The following CEACAM16 variants were observed in gnomAD, a reference collection of about 807,000 sequenced individuals.
CEACAM16 encodes the protein cell adhesion molecule CEACAM16.
In CEACAM16, 30 loss-of-function variants were observed where a neutral mutation model predicts 39.4. The observed-to-expected ratio is 0.76, with a 90% CI of 0.57 to 1.03. CEACAM16 has a LOEUF of 1.03. Ranked by LOEUF, CEACAM16 falls within the 50% of genes least tolerant of loss-of-function variation. The pLI is 0.00. For synonymous variants in CEACAM16, 262 were observed against 264.9 expected (o/e 0.99, Z 0.11); for missense variants, 521 against 585.3 (o/e 0.89, Z 1.13).
chr19:44,701,216 C>T lies in CEACAM16; in HGVS notation c.-96-145C>T, dbSNP rs1599807197. On this transcript the variant is annotated intron_variant, in intron 1 of 6. Coordinates refer to ENST00000587331, the MANE Select transcript of CEACAM16 (RefSeq NM_001039213.4). This position sits in a 1 kb window ranked among gnomAD's most constrained non-coding sequence, Gnocchi z 4.0. The stretch of plus-strand genomic sequence containing the variant: ...GGCACAAAGAGGGTTAGGCGGCTGC[C>T]CCAGGAGGCCTGCCCAGGTCACGGC... 5 of 607,616 alleles carry T rather than the reference C, an allele frequency of 8.2e-6. No individual in the cohort carries two copies. The highest frequency in any genetic ancestry group is 1.5e-5 in the Non-Finnish European group (5 of 340,664). 37.6% of individuals were successfully genotyped at this position (607,616 alleles called of 1,614,324 possible).
intron 1 of CEACAM16, among the ~76,000 whole-genome samples, chr19:44,700,928 C>T (rs1001366175): frequency 6.6e-6 from 1 of 152,222 alleles, no homozygotes; most frequent in African/African-American, 2.4e-5. Context: ...TCATCTCCAT[C>T]TGCAAAGGGG....
Position 44,703,557 on chromosome 19 carries a change from G to T in CEACAM16, c.246G>T (p.Thr82=), listed in dbSNP as rs761814983. 1.9e-6 allele frequency: 3 copies of T among 1,612,292 alleles called. No individual in the cohort carries two copies. The highest frequency in any genetic ancestry group is 2.5e-6 in the Non-Finnish European group (3 of 1,179,554). The change falls in exon 3 of 7, where the codon ACG becomes ACT. Residue 82 remains threonine (T), a synonymous_variant. Coordinates refer to ENST00000587331, the MANE Select transcript of CEACAM16 (RefSeq NM_001039213.4). ...ATGAGACTCCTGGCCCGGCCCACAC[G>T]GGGCGGGAGGCTGTGCGCCCCGATG... The part of the protein sequence containing the change: ...TGDETPGPAH[T]GREAVRPDGS...
Position 44,707,883 on chromosome 19 carries a change from C to G in CEACAM16, c.963C>G (p.Ile321Met), listed in dbSNP as rs748040042. Residue 321 changes from isoleucine (I) to methionine (M), a missense_variant, in exon 6 of 7, where the codon ATC becomes ATG. By Grantham distance (10) the Ile-to-Met change is conservative. Transcript: ENST00000587331. ...CAGCTGCAGCAGTTGCCACGATGAT[C>G]GTGCCCGTGCCCACCAAGCCAACGG... ...KLSAAAVATM[I>M]VPVPTKPTEG... 8 of 1,552,588 alleles carry G rather than the reference C, an allele frequency of 5.2e-6. No homozygotes were observed. In the South Asian group the frequency reaches 9.5e-5, roughly 18 times the overall value.
chr19:44,703,479 G>T lies in CEACAM16; in HGVS notation c.168G>T (p.Gly56=). 1.2e-6 allele frequency: 2 copies of T among 1,613,818 alleles called. No individual in the cohort carries two copies. Among genetic ancestry groups the T allele is most frequent in the South Asian group, 2.2e-5 (2 of 91,072 alleles). The change falls in exon 3 of 7, where the codon GGG becomes GGT. Residue 56 remains glycine, a synonymous_variant. Transcript: ENST00000587331. ...TGCTCGCCTACAGCTGGTATGCGGG[G>T]CCCACACTCAGCGTGTCATACCTGG... is the stretch of plus-strand genomic sequence containing the variant. ...GELLAYSWYA[G]PTLSVSYLVA... is the part of the protein sequence containing the mutation.
rs762419317 is a variant in CEACAM16, at chr19:44,708,074, A to G, written c.1154A>G (p.Asn385Ser). Residue 385 changes from asparagine (N) to serine (S), a missense_variant, in exon 6 of 7, where the codon AAC becomes AGC. Asn to Ser is a conservative substitution (Grantham distance 46). Coordinates refer to ENST00000587331, the MANE Select transcript of CEACAM16 (RefSeq NM_001039213.4). The part of the protein sequence containing the change: ...AHTGREVGFP[N>S]CSLLVQKLNL... ...ACAGGCCGGGAGGTGGGCTTCCCCA[A>G]CTGCTCGCTGTTGGTGCAGAAGCTG... 1.5e-5 allele frequency: 24 copies of G among 1,612,592 alleles called. No individual in the cohort carries two copies. The highest frequency in any genetic ancestry group is 8.4e-5 in the Admixed American group (5 of 59,870).
rs1974521785 is a variant in CEACAM16 at position 44,710,569 on chromosome 19, TCTGAGTGGGAA to T, written c.*65_*75del. On this transcript the variant is annotated 3_prime_UTR_variant, in exon 7 of 7. Coordinates refer to ENST00000587331, the MANE Select transcript of CEACAM16 (RefSeq NM_001039213.4). ...TCGCACCATCCTCTGGTCCTCGCCC[TCTGAGTGGGAA>T]CCACTCCCCCACAGCGAGGATGCCA... 2 of 1,607,074 alleles carry T rather than the reference TCTGAGTGGGAA, an allele frequency of 1.2e-6. No homozygotes were observed. Among genetic ancestry groups the T allele is most frequent in the Admixed American group, 1.7e-5 (1 of 59,968 alleles).
rs748040042 is a variant in CEACAM16 at position 44,707,883 on chromosome 19, C to A, written c.963C>A (p.Ile321=). 2 of 1,552,582 alleles carry A rather than the reference C, an allele frequency of 1.3e-6. No homozygotes were observed. The highest frequency in any genetic ancestry group is 1.8e-6 in the Non-Finnish European group (2 of 1,141,104). ...CAGCTGCAGCAGTTGCCACGATGAT[C>A]GTGCCCGTGCCCACCAAGCCAACGG... ...KLSAAAVATM[I]VPVPTKPTEG... Residue 321 remains isoleucine, a synonymous_variant, in exon 6 of 7, where the codon ATC becomes ATA. Transcript: ENST00000587331.
In CEACAM16 at chr19:44,710,627, C is replaced by T. The variant is rs1974522627; in HGVS notation, c.*121C>T. On this transcript the variant is annotated 3_prime_UTR_variant, in exon 7 of 7. Transcript: ENST00000587331. ...GCCAGGCTGTGGTCCTGCTGTTCTC[C>T]TGCCTCCACCCTAGAGCTAGAGCCA... is the stretch of plus-strand genomic sequence containing the variant. 53 of 1,403,174 alleles carry T rather than the reference C, an allele frequency of 3.8e-5. 1 individual carries two copies. In the South Asian group the frequency reaches 4.3e-4, roughly 11 times the overall value. The allele number at this position is 1,403,174 out of a possible 1,614,324, so 86.9% of individuals were successfully genotyped here. A position where few individuals can be genotyped will look rare whatever the true frequency, so the allele number is the denominator to read the frequency against.
intron 6 of CEACAM16, 52 bp from the exon 7 acceptor site, chr19:44,710,444 C>G: frequency 6.3e-7 from 1 of 1,592,322 alleles, no homozygotes; most frequent in Non-Finnish European, 8.6e-7. Context: ...GGGACCTGGT[C>G]CTCCATCTCT....
chr19:44,710,066 C>T (rs531831546), intron 6 of CEACAM16, among the ~76,000 whole-genome samples: 1 of 152,314 alleles, frequency 6.6e-6, no homozygotes, highest in African/African-American at 2.4e-5. Flanking sequence ...ATCTTGCCTC[C>T]CCCAGCAGAC....
At chr19:44,702,535 C>T (rs1452725148) in intron 2 of CEACAM16, among the ~76,000 whole-genome samples, 2 of 152,286 alleles carry the variant, frequency 1.3e-5, no homozygotes, top group Admixed American at 1.3e-4. Context: ...CACAGCCGCC[C>T]GTTCCGGGCA....
At chr19:44,708,642 G>C (rs1228111446) in intron 6 of CEACAM16, among the ~76,000 whole-genome samples, 1 of 152,174 alleles carries the variant, frequency 6.6e-6, no homozygotes, top group Non-Finnish European at 1.5e-5. Context: ...GATGAATCAG[G>C]CCTCCCTATT....
Position 44,708,169 on chromosome 19 carries a change from G to C in CEACAM16, c.1249G>C (p.Val417Leu), listed in dbSNP as rs199597608. 3.2e-4 allele frequency: 497 copies of C among 1,576,434 alleles called. 1 individual carries two copies. The highest frequency in any genetic ancestry group is 6.9e-5 in the Admixed American group (4 of 57,664). The change falls in exon 6 of 7, where the codon GTG (valine) becomes CTG (leucine). Residue 417 changes from valine (V) to leucine (L), a missense_variant. Transcript: ENST00000587331. ...TVQGKTETLE[V>L]ELQVAPLG ...GCAGGGCAAGACTGAGACACTGGAA[G>C]TGGAGCTGCAGGTGGCCCGTGAGTG...
chr19:44,703,996 C>G (rs531964496), intron 3 of CEACAM16, 22 bp from the exon 4 acceptor site: 10 of 1,564,792 alleles, frequency 6.4e-6, no homozygotes, highest in African/African-American at 4.0e-5. Context: ...GCCCCCTCCC[C>G]CTCTGTCTCT....
intron 2 of CEACAM16, among the ~76,000 whole-genome samples, chr19:44,702,075 C>T (rs1239436454): frequency 6.6e-6 from 1 of 152,052 alleles, no homozygotes; most frequent in Admixed American, 6.6e-5. Flanking sequence ...GGCGGATCAC[C>T]TGAGGTCAGG....
chr19:44,704,417 A>T, intron 4 of CEACAM16, 121 bp downstream of exon 4: 1 of 1,264,620 alleles, frequency 7.9e-7, no homozygotes, highest in Non-Finnish European at 1.1e-6. Flanking sequence ...GGGATTGGGG[A>T]CCAGGGACCC....
chr19:44,700,669 C>T (rs1347050495), intron 1 of CEACAM16, among the ~76,000 whole-genome samples: 1 of 152,304 alleles, frequency 6.6e-6, no homozygotes, highest in East Asian at 1.9e-4. Flanking sequence ...GGTGTCAAAA[C>T]TCAGCTCTCC....
rs766474338 is a variant in CEACAM16, at chr19:44,701,752, G to A, written c.37+259G>A. On this transcript the variant is annotated intron_variant, in intron 2 of 6. Transcript: ENST00000587331. The surrounding 1 kb of genome is among the most constrained non-coding windows in gnomAD (Gnocchi z 4.0). ...GGGCACAAGCCAGGACAAGGGAGCC[G>A]CTGTTGCTCCTTCATTCCTGCAGGT... Among the ~76,000 whole-genome samples, 2 of 152,194 alleles carry A rather than the reference G, an allele frequency of 1.3e-5. 1 individual carries two copies. Among genetic ancestry groups the A allele is most frequent in the South Asian group, 4.1e-4 (2 of 4,830 alleles).
intron 3 of CEACAM16, 34 bp from the exon 4 acceptor site, chr19:44,703,984 C>T (rs764390124): frequency 1.3e-6 from 2 of 1,546,236 alleles, no homozygotes; most frequent in African/African-American, 1.4e-5. Flanking sequence ...AGGTGGTGTC[C>T]GGCCCCCTCC....
Sources: gnomAD v4.1 joint callset for allele counts (sites outside exome capture counted in the v4.1 genomes callset) on GRCh38, gnomAD v4.1.1 for gene constraint, Gnocchi (gnomAD v3.1) non-coding constraint, MANE v1.5 for transcripts, NCBI Gene and HGNC (gene_info 2026-07-23, HGNC 2026-07-21) for gene names.